ABTB3: variants seen among roughly 807,000 people sequenced by gnomAD.
ABTB3 encodes ankyrin repeat- and BTB/POZ domain-containing protein 3.
At chr12:107,334,646 T>C in the ABTB3 span, among the ~76,000 whole-genome samples, 4 of 151,894 alleles carry the variant, frequency 2.6e-5, no homozygotes, top group Admixed American at 6.6e-5. Flanking sequence ...AGAGGATGGT[T>C]TGGAGATAAA....
the ABTB3 span, among the ~76,000 whole-genome samples, chr12:107,327,044 T>C: frequency 3.3e-5 from 5 of 152,228 alleles, no homozygotes; most frequent in Admixed American, 2.6e-4. Flanking sequence ...TATGGCCTTC[T>C]TGGGGGCTCT....
chr12:107,565,583 C>G, the ABTB3 span, among the ~76,000 whole-genome samples: 1 of 152,128 alleles, frequency 6.6e-6, no homozygotes, highest in South Asian at 2.1e-4. Flanking sequence ...TCCAAACACT[C>G]CCCCACTTTC....
At chr12:107,542,220 G>A in the ABTB3 span, among the ~76,000 whole-genome samples, 4 of 150,472 alleles carry the variant, frequency 2.7e-5, no homozygotes, top group Non-Finnish European at 5.9e-5. Flanking sequence ...GCTGAGGCAG[G>A]AGAATTGCTT....
At chr12:107,589,888 A>G in the ABTB3 span, among the ~76,000 whole-genome samples, 1 of 152,184 alleles carries the variant, frequency 6.6e-6, no homozygotes, top group African/African-American at 2.4e-5. Flanking sequence ...CTATAAGTGA[A>G]CAGACTGAGA....
chr12:107,396,629 T>G, the ABTB3 span, among the ~76,000 whole-genome samples: 2 of 151,912 alleles, frequency 1.3e-5, no homozygotes, highest in African/African-American at 2.4e-5. Context: ...TGTATTTGCT[T>G]TGGGACTCAT....
the ABTB3 span, among the ~76,000 whole-genome samples, chr12:107,326,519 T>C: frequency 6.6e-6 from 1 of 152,240 alleles, no homozygotes; most frequent in Admixed American, 6.5e-5. Context: ...ATTGACCAGA[T>C]GTATCATTGG....
At chr12:107,490,669 T>G in the ABTB3 span, among the ~76,000 whole-genome samples, 1 of 152,316 alleles carries the variant, frequency 6.6e-6, no homozygotes, top group African/African-American at 2.4e-5. Context: ...TTTATTTTCT[T>G]CATCTCATTA....
the ABTB3 span, among the ~76,000 whole-genome samples, chr12:107,623,351 G>A: frequency 8.0e-5 from 10 of 125,572 alleles, no homozygotes; most frequent in African/African-American, 1.5e-4. Context: ...GAGCCACCAC[G>A]CCTGGCCTTT....
At chr12:107,640,222 C>A in the ABTB3 span, 3 of 687,076 alleles carry the variant, frequency 4.4e-6, no homozygotes, top group Non-Finnish European at 7.1e-6. Context: ...GATTTCCTTG[C>A]TCACTCTTAT....
At chr12:107,436,850 A>C in the ABTB3 span, among the ~76,000 whole-genome samples, 3 of 152,142 alleles carry the variant, frequency 2.0e-5, no homozygotes, top group African/African-American at 7.2e-5. Flanking sequence ...CAGTAAGAAA[A>C]AAAATGTGGA....
the ABTB3 span, among the ~76,000 whole-genome samples, chr12:107,451,326 G>A: frequency 1.3e-5 from 2 of 152,174 alleles, no homozygotes; most frequent in African/African-American, 4.8e-5. Flanking sequence ...AACTCCAAAG[G>A]TGAATCTGTA....
the ABTB3 span, chr12:107,620,292 G>A: frequency 2.4e-6 from 3 of 1,248,788 alleles, no homozygotes; most frequent in Non-Finnish European, 3.3e-6. Flanking sequence ...GACCAGTGGC[G>A]AATGTAGCCC....
the ABTB3 span, among the ~76,000 whole-genome samples, chr12:107,396,032 C>T: frequency 3.7e-4 from 57 of 152,328 alleles, no homozygotes; most frequent in African/African-American, 1.3e-3. Flanking sequence ...GTCTTGACTC[C>T]AGCAGGACTA....
At chr12:107,451,431 T>C in the ABTB3 span, among the ~76,000 whole-genome samples, 1 of 152,234 alleles carries the variant, frequency 6.6e-6, no homozygotes, top group Non-Finnish European at 1.5e-5. Flanking sequence ...ATGTAATGGA[T>C]GGATGTGCTC....
chr12:107,644,654 G>A, the ABTB3 span, among the ~76,000 whole-genome samples: 1 of 152,178 alleles, frequency 6.6e-6, no homozygotes. Flanking sequence ...GCGCAAGTTC[G>A]TTAAATTGTG....
chr12:107,422,725 A>G, the ABTB3 span, among the ~76,000 whole-genome samples: 1 of 152,218 alleles, frequency 6.6e-6, no homozygotes, highest in African/African-American at 2.4e-5. Context: ...GCACTATACT[A>G]GGTTGTATTA....
the ABTB3 span, among the ~76,000 whole-genome samples, chr12:107,390,347 C>T: frequency 6.6e-6 from 1 of 152,202 alleles, no homozygotes; most frequent in Non-Finnish European, 1.5e-5. Flanking sequence ...TAATAACTTG[C>T]CCAAGGCCAC....
chr12:107,472,824 G>A, the ABTB3 span, among the ~76,000 whole-genome samples: 6 of 152,204 alleles, frequency 3.9e-5, no homozygotes, highest in Non-Finnish European at 8.8e-5. Flanking sequence ...TTTAAGCATT[G>A]AGGGTCCCAT....
At chr12:107,581,258 G>T in the ABTB3 span, 5 of 1,513,430 alleles carry the variant, frequency 3.3e-6, no homozygotes, top group Non-Finnish European at 4.4e-6. Context: ...CCGCCAGGCG[G>T]CCCGGCTGCT....
Sources: gnomAD v4.1 joint callset for allele counts (sites outside exome capture counted in the v4.1 genomes callset) on GRCh38, gnomAD v4.1.1 for gene constraint, MANE v1.5 for transcripts, NCBI Gene and HGNC (gene_info 2026-07-23, HGNC 2026-07-21) for gene names.